Variants in GRK4 observed in about 807,000 individuals in gnomAD.
GRK4 encodes the protein G protein-coupled receptor kinase 2-like.
A neutral mutation model predicts 77.9 loss-of-function variants in GRK4; 73 were observed. That is an observed-to-expected ratio of 0.94 (90% CI 0.78 to 1.14). The LOEUF is 1.14. Ranked by LOEUF, GRK4 falls within the 50% of genes most tolerant of loss-of-function variation. GRK4 has a pLI of 0.00. For missense variants in GRK4, 729 were observed against 700.2 expected (o/e 1.04, Z -0.46); for synonymous variants, 257 against 254.4 (o/e 1.01, Z -0.10).
chr4:3,015,804 T>C (rs949801609), intron 8 of GRK4, among the ~76,000 whole-genome samples: 114 of 152,050 alleles, frequency 7.5e-4, no homozygotes, highest in African/African-American at 2.6e-3. Context: ...CTGGGCTTGG[T>C]GGCTCATGCC....
chr4:2,980,502 C>T (rs1722564562), intron 1 of GRK4, among the ~76,000 whole-genome samples: 1 of 151,488 alleles, frequency 6.6e-6, no homozygotes, highest in Non-Finnish European at 1.5e-5. Context: ...CACAACAAGC[C>T]TACTAGATGC....
chr4:2,992,100 A>T, intron 3 of GRK4, 115 bp from the exon 4 acceptor site: 1 of 625,418 alleles, frequency 1.6e-6, no homozygotes, highest in Non-Finnish European at 2.9e-6. Flanking sequence ...CTGGCCTCGA[A>T]CTCTTGAGCT....
At chr4:3,028,057 C>A in intron 11 of GRK4, 56 bp downstream of exon 11, 1 of 1,482,306 alleles carries the variant, frequency 6.7e-7, no homozygotes, top group Non-Finnish European at 9.4e-7. Context: ...CTGAGTGCCT[C>A]AGAACACAGA....
Position 2,963,885 on chromosome 4 carries a change from A to AGGCGGC in GRK4, c.-175_-170dup. The stretch of plus-strand genomic sequence containing the variant: ...CTCCCCTGCTGGTGAGGGCCTGCGG[A>AGGCGGC]GGCGGCGGCGGCGGCGCCCTTGGTG... On this transcript the variant is annotated 5_prime_UTR_variant, in exon 1 of 16. Coordinates refer to ENST00000398052, the MANE Select transcript of GRK4 (RefSeq NM_182982.3). The AGGCGGC allele has an allele frequency of 1.5e-6, 1 of 647,744 alleles. No homozygotes were observed. The highest frequency in any genetic ancestry group is 1.7e-5 in the South Asian group (1 of 57,808). 40.1% of individuals were successfully genotyped at this position (647,744 alleles called of 1,614,324 possible).
chr4:2,964,553 G>A (rs1192823820), intron 1 of GRK4, among the ~76,000 whole-genome samples: 1 of 152,132 alleles, frequency 6.6e-6, no homozygotes, highest in African/African-American at 2.4e-5. Context: ...TACTCTGGGC[G>A]AGAACCTTCC....
Position 3,039,662 on chromosome 4 carries a change from C to G in GRK4, c.1684-910C>G, listed in dbSNP as rs573981736. Among the ~76,000 whole-genome samples, 72 of 145,464 alleles carry G rather than the reference C, an allele frequency of 4.9e-4. 1 individual carries two copies. The highest frequency in any genetic ancestry group is 1.6e-3 in the African/African-American group (63 of 38,804). ...ACAGGGAGCCGAGACTGCACCATTG[C>G]GCTCCAGCCTGGGTGACAAGAGTGA... On this transcript the variant is annotated intron_variant, in intron 15 of 15. Transcript: ENST00000398052.
At chr4:2,991,090 G>A (rs1726030498) in intron 3 of GRK4, among the ~76,000 whole-genome samples, 1 of 152,198 alleles carries the variant, frequency 6.6e-6, no homozygotes, top group Non-Finnish European at 1.5e-5. Context: ...GAGATATTAA[G>A]AGATTTATTG....
chr4:3,022,012 G>A (rs528882252), intron 9 of GRK4, among the ~76,000 whole-genome samples: 7 of 152,298 alleles, frequency 4.6e-5, no homozygotes, highest in African/African-American at 1.7e-4. Flanking sequence ...GAGTAGCTGG[G>A]ACTACAGGTA....
intron 1 of GRK4, among the ~76,000 whole-genome samples, chr4:2,972,663 G>A (rs1242994595): frequency 2.0e-5 from 3 of 152,132 alleles, no homozygotes; most frequent in Non-Finnish European, 4.4e-5. Flanking sequence ...ATATGTGGCG[G>A]GGGCGGAGGG....
intron 1 of GRK4, among the ~76,000 whole-genome samples, chr4:2,975,493 A>G (rs1469842289): frequency 6.6e-6 from 1 of 152,330 alleles, no homozygotes; most frequent in African/African-American, 2.4e-5. Flanking sequence ...AGCCCTCAGT[A>G]GACACTGGCC....
In GRK4 at chr4:3,027,934, C is replaced by T. The variant is rs373874952; in HGVS notation, c.993C>T (p.Leu331=). 26 of 1,613,892 alleles carry T rather than the reference C, an allele frequency of 1.6e-5. No homozygotes were observed. In the African/African-American group the frequency reaches 1.9e-4, roughly 12 times the overall value. The change falls in exon 11 of 16, where the codon CTC becomes CTT. Residue 331 remains leucine, a synonymous_variant. Transcript: ENST00000398052. Reference sequence around the variant, plus strand: ...CAGGACACATCCGGATTTCAGACCTCGGTTTGGCCACAGAGATCCCAGAAG... The same window carrying T: ...CAGGACACATCCGGATTTCAGACCTTGGTTTGGCCACAGAGATCCCAGAAG... The part of the protein sequence containing the change: ...DDRGHIRISD[L]GLATEIPEGQ...
chr4:2,980,271 C>T (rs1290644401), intron 1 of GRK4, among the ~76,000 whole-genome samples: 1 of 152,088 alleles, frequency 6.6e-6, no homozygotes, highest in Non-Finnish European at 1.5e-5. Context: ...CTGGAGCCTT[C>T]ACTGCCTGGA....
chr4:2,985,318 G>A (rs995158194), intron 2 of GRK4, among the ~76,000 whole-genome samples: 2 of 151,028 alleles, frequency 1.3e-5, no homozygotes, highest in Admixed American at 6.6e-5. Context: ...GGAGAATGAC[G>A]TGAAACCGGG....
intron 8 of GRK4, among the ~76,000 whole-genome samples, chr4:3,016,955 GT>G (rs1734723598): frequency 6.6e-6 from 1 of 152,132 alleles, no homozygotes; most frequent in Non-Finnish European, 1.5e-5. Flanking sequence ...CTGTGATGGT[GT>G]TTACCCCCTG....
chr4:3,020,582 G>GA (rs1298693800), intron 9 of GRK4, among the ~76,000 whole-genome samples: 1 of 152,010 alleles, frequency 6.6e-6, no homozygotes, highest in Non-Finnish European at 1.5e-5. Flanking sequence ...TTAGTTTTAG[G>GA]AAAAAACAAT....
rs542073148 is a variant in GRK4 at position 3,006,997 on chromosome 4, C to G, written c.444-739C>G. Among the ~76,000 whole-genome samples, 3 of 152,278 alleles carry G rather than the reference C, an allele frequency of 2.0e-5. No homozygotes were observed. In the East Asian group the frequency reaches 5.8e-4, roughly 29 times the overall value. ...CTCCTGGGCATGTACACACCCTAAACTCTTTCTTGTACATGTGCACTAAGT... is the reference window on the plus strand; with the variant it reads ...CTCCTGGGCATGTACACACCCTAAAGTCTTTCTTGTACATGTGCACTAAGT... On this transcript the variant is annotated intron_variant, in intron 5 of 15. Transcript: ENST00000398052.
At chr4:3,001,089 A>ATATATATGTG in intron 4 of GRK4, among the ~76,000 whole-genome samples, 1 of 82,428 alleles carries the variant, frequency 1.2e-5, no homozygotes, top group Non-Finnish European at 2.5e-5. Flanking sequence ...ATATATATAT[A>ATATATATGTG]TGTGTGTGTG....
At chr4:3,009,825 G>T in intron 7 of GRK4, 114 bp downstream of exon 7, 1 of 635,972 alleles carries the variant, frequency 1.6e-6, no homozygotes, top group Non-Finnish European at 2.7e-6. Context: ...TGCCTTAGTG[G>T]GTGTTTTGGG....
chr4:3,001,089 A>ATATATGTGTGTGTGTGTGTG, intron 4 of GRK4, among the ~76,000 whole-genome samples: 3 of 82,428 alleles, frequency 3.6e-5, no homozygotes, highest in African/African-American at 1.7e-4. Context: ...ATATATATAT[A>ATATATGTGTGTGTGTGTGTG]TGTGTGTGTG....
Sources: allele counts gnomAD v4.1 joint callset (sites outside exome capture counted in the v4.1 genomes callset), GRCh38; gene constraint gnomAD v4.1.1; transcripts MANE v1.5; gene names NCBI Gene and HGNC (gene_info 2026-07-23, HGNC 2026-07-21).